HSD17B4: variants seen among roughly 807,000 people sequenced by gnomAD.
HSD17B4 encodes hydroxysteroid 17-beta dehydrogenase 4, also known as peroxisomal multifunctional enzyme type 2.
Under a neutral mutation model 101.0 loss-of-function variants are expected in HSD17B4, and 70 were observed. That is an observed-to-expected ratio of 0.69 (90% CI 0.57 to 0.85). The LOEUF is 0.85. HSD17B4 is among the 40% of genes least tolerant of loss of function. The pLI is 0.00. For synonymous variants in HSD17B4, 347 were observed against 297.1 expected, an observed-to-expected ratio of 1.17 and a Z score of -1.73; for missense variants, 984 against 892.4, an observed-to-expected ratio of 1.10 and a Z score of -1.31.
At chr5:119,487,526 C>T (rs10064454) in intron 8 of HSD17B4, 1 of 151,964 alleles carries the variant, frequency 6.6e-6, no homozygotes, top group Non-Finnish European at 1.5e-5. Context: ...TTAATAGATG[C>T]TGGCTAACCT....
chr5:119,536,832 A>G (rs985232828), intron 23 of HSD17B4, among the ~76,000 whole-genome samples: 13 of 152,154 alleles, frequency 8.5e-5, no homozygotes, highest in Admixed American at 7.2e-4. Context: ...GGTACTACAT[A>G]AAATTAGACA....
At chr5:119,522,354 G>T (rs958329790) in intron 17 of HSD17B4, among the ~76,000 whole-genome samples, 9 of 152,090 alleles carry the variant, frequency 5.9e-5, no homozygotes, top group African/African-American at 1.9e-4. Flanking sequence ...ATTTGGGTTG[G>T]TTCCAAGTCT....
intron 21 of HSD17B4, among the ~76,000 whole-genome samples, chr5:119,530,845 C>CA (rs11423247): frequency 0.25 from 13,645 of 55,334 alleles, 1,509 homozygotes; most frequent in East Asian, 0.36. Context: ...AAGTCTGTCT[C>CA]AAAAAAAAAA....
chr5:119,460,404 T>C (rs566563092), intron 2 of HSD17B4, among the ~76,000 whole-genome samples: 1 of 152,278 alleles, frequency 6.6e-6, no homozygotes, highest in Non-Finnish European at 1.5e-5. Context: ...TGATAATAAA[T>C]GAGCCGTACA....
At chr5:119,519,834 A>T (rs1247227148) in intron 17 of HSD17B4, among the ~76,000 whole-genome samples, 1 of 152,174 alleles carries the variant, frequency 6.6e-6, no homozygotes, top group African/African-American at 2.4e-5. Context: ...ATTTTTTATA[A>T]TTCTGCTTCT....
At chr5:119,468,924 A>G (rs780046353) in intron 2 of HSD17B4, among the ~76,000 whole-genome samples, 40 of 147,378 alleles carry the variant, frequency 2.7e-4, no homozygotes, top group Non-Finnish European at 4.6e-4. Context: ...TTTAAATTTC[A>G]TTGATTGAAT....
intron 23 of HSD17B4, among the ~76,000 whole-genome samples, chr5:119,539,460 C>T (rs1248711313): frequency 2.0e-5 from 3 of 151,458 alleles, no homozygotes; most frequent in African/African-American, 7.3e-5. Context: ...GGAGGGATAG[C>T]ATTAGGAGAT....
At chr5:119,533,995 T>G (rs1441450222) in intron 22 of HSD17B4, among the ~76,000 whole-genome samples, 1 of 152,122 alleles carries the variant, frequency 6.6e-6, no homozygotes, top group African/African-American at 2.4e-5. Flanking sequence ...ATATATTGTT[T>G]GTATGTATCC....
rs1748310768 is a variant in HSD17B4 at position 119,473,960 on chromosome 5, T to C, written c.165T>C (p.Ala55=). ...GAGTTGGTAAAGGCTCCTTAGCTGC[T>C]GATAAGGTTGTTGAAGAAATAAGAA... The part of the protein sequence containing the change: ...FKGVGKGSLA[A]DKVVEEIRRR... Residue 55 remains alanine (A), a synonymous_variant, in exon 3 of 24, where the codon GCT becomes GCC. Transcript: ENST00000510025. 5 of 1,612,924 alleles carry C rather than the reference T, an allele frequency of 3.1e-6. No individual in the cohort carries two copies. The African/African-American group carries it at 4.0e-5, about 13-fold the overall frequency.
At chr5:119,470,898 T>G (rs1431484533) in intron 2 of HSD17B4, among the ~76,000 whole-genome samples, 1 of 152,198 alleles carries the variant, frequency 6.6e-6, no homozygotes, top group African/African-American at 2.4e-5. Flanking sequence ...CAGTGTCAAT[T>G]TAGTGGTCTC....
chr5:119,510,060 A>G (rs79703354), intron 16 of HSD17B4, among the ~76,000 whole-genome samples: 1,864 of 152,330 alleles, frequency 0.012, 16 homozygotes, highest in African/African-American at 0.023. Context: ...ATTACCATAT[A>G]TGTAATCTTA....
At position 119,542,234 on chromosome 5, in the gene HSD17B4, A is replaced by G. The variant is rs1755057643; in HGVS notation, c.*240A>G. The G allele has an allele frequency of 6.4e-6, 2 of 313,520 alleles. No homozygotes were observed. The highest frequency in any genetic ancestry group is 5.6e-5 in the East Asian group (1 of 17,914). The allele number at this position is 313,520 out of a possible 1,614,324, so 19.4% of individuals were successfully genotyped here. On this transcript the variant is annotated 3_prime_UTR_variant, in exon 24 of 24. Coordinates refer to ENST00000510025, the MANE Select transcript of HSD17B4 (RefSeq NM_000414.4). Reference sequence around the variant, plus strand: ...CTTCTGTTCTTAGATCTGTATCTTCATAATAAAAAATTTTGCCCAAGTCCT... The same window carrying G: ...CTTCTGTTCTTAGATCTGTATCTTCGTAATAAAAAATTTTGCCCAAGTCCT...
At chr5:119,500,959 T>G (rs1751102295) in intron 13 of HSD17B4, among the ~76,000 whole-genome samples, 2 of 152,102 alleles carry the variant, frequency 1.3e-5, no homozygotes, top group South Asian at 2.1e-4. Flanking sequence ...TTTGACTGAT[T>G]GGAGAACTTA....
chr5:119,476,754 A>T lies in HSD17B4; in HGVS notation c.350-663A>T, dbSNP rs1294399558. 3.1e-6 allele frequency: 3 copies of T among 963,178 alleles called. No individual in the cohort carries two copies. In the African/African-American group the frequency reaches 5.3e-5, roughly 17 times the overall value. 59.7% of individuals were successfully genotyped at this position (963,178 alleles called of 1,614,324 possible). A position where few individuals can be genotyped will look rare whatever the true frequency, so the allele number is the denominator to read the frequency against. ...TTCCTTCTCTGATTCCATCCTACTAAGCCACTACTCCTGACTACCCTTCTC... is the reference window on the plus strand; with the variant it reads ...TTCCTTCTCTGATTCCATCCTACTATGCCACTACTCCTGACTACCCTTCTC... On this transcript the variant is annotated intron_variant, in intron 6 of 23. Coordinates refer to ENST00000510025, the MANE Select transcript of HSD17B4 (RefSeq NM_000414.4).
At chr5:119,522,969 GC>G (rs965937864) in intron 17 of HSD17B4, among the ~76,000 whole-genome samples, 3 of 152,068 alleles carry the variant, frequency 2.0e-5, no homozygotes, top group African/African-American at 7.2e-5. Flanking sequence ...CACCCCCCAA[GC>G]CCTGCCACTC....
intron 18 of HSD17B4, 100 bp from the exon 19 acceptor site, chr5:119,525,817 A>G: frequency 1.3e-6 from 1 of 765,522 alleles, no homozygotes; most frequent in Admixed American, 1.8e-5. Context: ...AATTCCTGCT[A>G]ATGCAGTCTA....
At chr5:119,499,608 A>G (rs1189746082) in intron 13 of HSD17B4, 55 bp downstream of exon 13, 5 of 938,314 alleles carry the variant, frequency 5.3e-6, no homozygotes, top group South Asian at 1.3e-5. Flanking sequence ...AATATTATTC[A>G]TTAATGTCAT....
intron 2 of HSD17B4, among the ~76,000 whole-genome samples, chr5:119,460,225 G>A (rs557063665): frequency 5.8e-4 from 88 of 152,292 alleles, no homozygotes; most frequent in Non-Finnish European, 1.1e-3. Flanking sequence ...TTCAATGTGA[G>A]TTTTGGAGGG....
chr5:119,527,579 TCAGACAGATATA>T (rs1753716490), intron 20 of HSD17B4, among the ~76,000 whole-genome samples: 1 of 152,010 alleles, frequency 6.6e-6, no homozygotes, highest in African/African-American at 2.4e-5. Context: ...AAGGCATGAC[TCAGACAGATATA>T]CAGTGAAAAC....
Sources: gnomAD v4.1 joint callset for allele counts (sites outside exome capture counted in the v4.1 genomes callset) on GRCh38, gnomAD v4.1.1 for gene constraint, MANE v1.5 for transcripts, NCBI Gene and HGNC (gene_info 2026-07-23, HGNC 2026-07-21) for gene names.